The following PGPEP1 variants were observed in gnomAD, a reference collection of about 807,000 sequenced individuals.
PGPEP1 encodes the protein pyroglutamyl-peptidase 1.
A neutral mutation model predicts 24.1 loss-of-function variants in PGPEP1; 15 were observed. That is an observed-to-expected ratio of 0.62 (90% CI 0.42 to 0.96). The LOEUF is 0.96. PGPEP1 is among the 40% of genes least tolerant of loss of function. The probability of loss-of-function intolerance (pLI) is 0.00; values close to 1 mark genes in which losing one functional copy is unlikely to be tolerated. For missense variants in PGPEP1, 242 were observed against 273.4 expected (o/e 0.89, Z 0.81); for synonymous variants, 122 against 116.4 (o/e 1.05, Z -0.31).
rs1252662561 is a variant in PGPEP1, at chr19:18,357,587, T to G, written c.409T>G (p.Ser137Ala). ...AGTCACCACGTTGGGCCTGGATGTG[T>G]CGGTGACCATCTCGCAGGATGCCGG... ...KRVTTLGLDV[S>A]VTISQDAGRY... is the part of the protein sequence containing the mutation. Residue 137 changes from serine to alanine, a missense_variant, in exon 4 of 5, where the codon TCG (serine) becomes GCG (alanine). Physicochemically the swap from Ser to Ala is moderately conservative, Grantham distance 99. Transcript: ENST00000269919. 6 of 1,610,652 alleles carry G rather than the reference T, an allele frequency of 3.7e-6. No homozygotes were observed. The highest frequency in any genetic ancestry group is 5.1e-6 in the Non-Finnish European group (6 of 1,178,488).
chr19:18,351,998 G>A lies in PGPEP1; in HGVS notation c.88-3897G>A, dbSNP rs539690331. Reference sequence around the variant, plus strand: ...AAAATTAGTTGGGTGTTGGCCGGGCGCGGTGGCTCACGCCTGTAATCCCAG... The same window carrying A: ...AAAATTAGTTGGGTGTTGGCCGGGCACGGTGGCTCACGCCTGTAATCCCAG... On this transcript the variant is annotated intron_variant, in intron 2 of 4. Coordinates refer to ENST00000269919, the MANE Select transcript of PGPEP1 (RefSeq NM_017712.4). Among the ~76,000 whole-genome samples, 7 of 151,736 alleles carry A rather than the reference G, an allele frequency of 4.6e-5. No homozygotes were observed. The South Asian group carries it at 1.5e-3, about 32-fold the overall frequency.
chr19:18,356,668 C>T (rs946914054), intron 3 of PGPEP1, among the ~76,000 whole-genome samples: 2 of 151,864 alleles, frequency 1.3e-5, no homozygotes, highest in African/African-American at 2.4e-5. Context: ...TGCTTGAGCC[C>T]AGGAATTTAA....
intron 2 of PGPEP1, among the ~76,000 whole-genome samples, chr19:18,350,209 G>C (rs1970980511): frequency 6.6e-6 from 1 of 152,034 alleles, no homozygotes; most frequent in Non-Finnish European, 1.5e-5. Flanking sequence ...ATTTTTAGTA[G>C]AGACGGGGTT....
At chr19:18,346,838 C>T (rs767457559) in intron 2 of PGPEP1, among the ~76,000 whole-genome samples, 1 of 151,516 alleles carries the variant, frequency 6.6e-6, no homozygotes, top group Non-Finnish European at 1.5e-5. Flanking sequence ...CAGGGTTTCT[C>T]CATGTTGGTC....
In PGPEP1 at chr19:18,368,473, T is replaced by A. The variant is rs947622634; in HGVS notation, c.*4890T>A. 6.6e-6 allele frequency: 1 copy of A among 152,178 alleles called. No homozygotes were observed. The highest frequency in any genetic ancestry group is 2.4e-5 in the African/African-American group (1 of 41,368). The allele number at this position is 152,178 out of a possible 1,614,324, so 9.4% of individuals were successfully genotyped here. ...AAAAAAAAAGAATTCCCTGCTCTGC[T>A]TTTCTGCTCGTTGCTGGCATAGAAA... On this transcript the variant is annotated 3_prime_UTR_variant, in exon 5 of 5. Transcript: ENST00000269919.
intron 2 of PGPEP1, among the ~76,000 whole-genome samples, chr19:18,355,284 G>C (rs1971148633): frequency 6.7e-6 from 1 of 148,578 alleles, no homozygotes; most frequent in African/African-American, 2.5e-5. Context: ...TTTTGAGATG[G>C]AGTTTCGCTC....
chr19:18,367,876 C>T lies in PGPEP1; in HGVS notation c.*4293C>T, dbSNP rs1192650989. On this transcript the variant is annotated 3_prime_UTR_variant, in exon 5 of 5. Transcript: ENST00000269919. ...CTGGAGATGGTTCATGTCTGTGATC[C>T]CAGTGCTTTGGGAGGCTGAGGTGGG... 6.6e-6 allele frequency: 1 copy of T among 152,324 alleles called. No homozygotes were observed. The highest frequency in any genetic ancestry group is 1.5e-5 in the Non-Finnish European group (1 of 68,258). The allele number at this position is 152,324 out of a possible 1,614,324, so 9.4% of individuals were successfully genotyped here.
chr19:18,346,593 G>C (rs556141125), intron 2 of PGPEP1, among the ~76,000 whole-genome samples: 5 of 141,046 alleles, frequency 3.5e-5, no homozygotes, highest in Non-Finnish European at 6.1e-5. Context: ...CTCTCTCTCT[G>C]TCACTTTCAC....
Position 18,340,635 on chromosome 19 carries a change from G to T in PGPEP1, c.-47G>T. ...AGAGGCTGCAGCGGCAGCAGCTGTCGCGCCAGTCGCAACAGAAGCAGGTCC... is the reference window on the plus strand; with the variant it reads ...AGAGGCTGCAGCGGCAGCAGCTGTCTCGCCAGTCGCAACAGAAGCAGGTCC... On this transcript the variant is annotated 5_prime_UTR_variant, in exon 1 of 5. Transcript: ENST00000269919. The T allele has an allele frequency of 6.6e-7, 1 of 1,504,276 alleles. No homozygotes were observed. The highest frequency in any genetic ancestry group is 8.9e-7 in the Non-Finnish European group (1 of 1,128,702). The allele number at this position is 1,504,276 out of a possible 1,614,324, so 93.2% of individuals were successfully genotyped here.
intron 4 of PGPEP1, among the ~76,000 whole-genome samples, chr19:18,362,604 C>T (rs962331608): frequency 4.3e-5 from 6 of 140,446 alleles, no homozygotes; most frequent in African/African-American, 1.3e-4. Flanking sequence ...GGCCCACGCC[C>T]GTAATCCCAG....
At chr19:18,343,554 C>A (rs12978101) in intron 2 of PGPEP1, among the ~76,000 whole-genome samples, 13,083 of 152,110 alleles carry the variant, frequency 0.086, 787 homozygotes, top group Middle Eastern at 0.17. Context: ...CCCTGGCCAG[C>A]GGCTACAGAT....
intron 2 of PGPEP1, among the ~76,000 whole-genome samples, chr19:18,355,587 G>T (rs942518483): frequency 3.3e-5 from 5 of 152,158 alleles, no homozygotes; most frequent in Non-Finnish European, 5.9e-5. Context: ...CCATTTTACA[G>T]ATGAGGAAAC....
chr19:18,352,704 C>T (rs369160781), intron 2 of PGPEP1, among the ~76,000 whole-genome samples: 11 of 150,856 alleles, frequency 7.3e-5, no homozygotes, highest in African/African-American at 2.7e-4. Context: ...TACAGGTGCG[C>T]ACCATCACGC....
intron 2 of PGPEP1, among the ~76,000 whole-genome samples, chr19:18,352,562 T>C (rs1383267262): frequency 6.7e-6 from 1 of 149,772 alleles, no homozygotes; most frequent in Non-Finnish European, 1.5e-5. Context: ...ATAATTGTCT[T>C]TTTTTTTTTG....
chr19:18,347,225 G>A (rs1742502737), intron 2 of PGPEP1, among the ~76,000 whole-genome samples: 1 of 149,400 alleles, frequency 6.7e-6, no homozygotes, highest in Admixed American at 6.7e-5. Context: ...GGGACTACAG[G>A]CATGCACCAC....
intron 2 of PGPEP1, among the ~76,000 whole-genome samples, chr19:18,348,760 C>CT (rs1272366626): frequency 6.6e-6 from 1 of 151,430 alleles, no homozygotes; most frequent in Non-Finnish European, 1.5e-5. Flanking sequence ...TGGTGAGAAA[C>CT]TTTTTTTTTG....
chr19:18,357,548 G>A lies in PGPEP1; in HGVS notation c.370G>A (p.Ala124Thr). 6.2e-7 allele frequency: 1 copy of A among 1,613,416 alleles called. No individual in the cohort carries two copies. Among genetic ancestry groups the A allele is most frequent in the East Asian group, 2.2e-5 (1 of 44,852 alleles). ...CATTGACTCCATCATCGACATGGAT[G>A]CTGTGTGCAAGCGAGTCACCACGTT... is the stretch of plus-strand genomic sequence containing the variant. ...ESIDSIIDMD[A>T]VCKRVTTLGL... The change falls in exon 4 of 5, where the codon GCT becomes ACT. Residue 124 changes from alanine (A) to threonine (T), a missense_variant. By Grantham distance (58) the Ala-to-Thr change is moderately conservative. Transcript: ENST00000269919.
chr19:18,368,466 G>C lies in PGPEP1; in HGVS notation c.*4883G>C, dbSNP rs1462892918. On this transcript the variant is annotated 3_prime_UTR_variant, in exon 5 of 5. Transcript: ENST00000269919. ...AAAAAAAAAAAAAAAAGAATTCCCT[G>C]CTCTGCTTTTCTGCTCGTTGCTGGC... is the stretch of plus-strand genomic sequence containing the variant. 6.6e-6 allele frequency: 1 copy of C among 151,250 alleles called. No individual in the cohort carries two copies. Among genetic ancestry groups the C allele is most frequent in the African/African-American group, 2.4e-5 (1 of 41,136 alleles). 9.4% of individuals were successfully genotyped at this position (151,250 alleles called of 1,614,324 possible). A position where few individuals can be genotyped will look rare whatever the true frequency, so the allele number is the denominator to read the frequency against.
chr19:18,352,670 C>T (rs1971071203), intron 2 of PGPEP1, among the ~76,000 whole-genome samples: 1 of 151,860 alleles, frequency 6.6e-6, no homozygotes, highest in African/African-American at 2.4e-5. Context: ...ATTCTCATGC[C>T]TCAGCCTCCC....
Sources: gnomAD v4.1 joint callset for allele counts (sites outside exome capture counted in the v4.1 genomes callset) on GRCh38, gnomAD v4.1.1 for gene constraint, MANE v1.5 for transcripts, NCBI Gene and HGNC (gene_info 2026-07-23, HGNC 2026-07-21) for gene names.